Variants in ARHGEF3 observed in about 807,000 individuals in gnomAD.
ARHGEF3 encodes the protein Rho guanine nucleotide exchange factor 3, also known as 59.8 kDA protein.
Under a neutral mutation model 63.2 loss-of-function variants are expected in ARHGEF3, and 28 were observed. The observed-to-expected ratio is 0.44, with a 90% CI of 0.33 to 0.61. The LOEUF (loss-of-function observed/expected upper bound fraction) is 0.61. Among genes scored for constraint, ARHGEF3 ranks in the 20% least tolerant of loss-of-function variants. The probability of loss-of-function intolerance (pLI) is 0.03; values close to 1 mark genes in which losing one functional copy is unlikely to be tolerated. For synonymous variants in ARHGEF3, 266 were observed against 254.2 expected (o/e 1.05, Z -0.44); for missense variants, 533 against 659.3 (o/e 0.81, Z 2.10).
chr3:56,967,419 C>T lies in ARHGEF3; in HGVS notation c.63-8530G>A, dbSNP rs1370450974. ...ATTATATAATATATTATATATTATA[C>T]ATATTATATATTATATAATATATTA... On this transcript the variant is annotated intron_variant, in intron 2 of 12. Transcript: ENST00000338458. Among the ~76,000 whole-genome samples the T allele has an allele frequency of 9.7e-5, 6 of 62,160 alleles. 1 individual carries two copies. In the East Asian group the frequency reaches 1.9e-3, roughly 19 times the overall value. 40.8% of individuals were successfully genotyped at this position (62,160 alleles called of 152,430 possible).
intron 6 of ARHGEF3, among the ~76,000 whole-genome samples, chr3:56,747,790 C>T (rs2034479413): frequency 6.6e-6 from 1 of 152,176 alleles, no homozygotes; most frequent in African/African-American, 2.4e-5. Context: ...CATCACTGCA[C>T]TCCAGCCTTG....
intron 2 of ARHGEF3, among the ~76,000 whole-genome samples, chr3:56,964,457 C>T (rs1002967470): frequency 6.6e-6 from 1 of 152,130 alleles, no homozygotes; most frequent in African/African-American, 2.4e-5. Flanking sequence ...TGAGAATGGC[C>T]CCTTAAAGAG....
At chr3:57,035,030 T>C (rs1420366606) in intron 2 of ARHGEF3, 11 of 1,377,100 alleles carry the variant, frequency 8.0e-6, no homozygotes, top group African/African-American at 4.4e-5. Flanking sequence ...TTTCATTTAA[T>C]TGTTGCATAC....
chr3:56,863,646 G>T (rs2040151858), intron 4 of ARHGEF3, among the ~76,000 whole-genome samples: 1 of 151,402 alleles, frequency 6.6e-6, no homozygotes, highest in African/African-American at 2.4e-5. Context: ...TGTTGGCCAG[G>T]CTGGTCTTGA....
At chr3:57,028,081 T>C (rs1321062246) in intron 2 of ARHGEF3, among the ~76,000 whole-genome samples, 2 of 150,656 alleles carry the variant, frequency 1.3e-5, no homozygotes, top group East Asian at 3.9e-4. Flanking sequence ...GGAACACTTT[T>C]ACACTGTTGG....
intron 4 of ARHGEF3, among the ~76,000 whole-genome samples, chr3:56,835,711 C>T (rs1477929409): frequency 6.6e-6 from 1 of 152,132 alleles, no homozygotes; most frequent in African/African-American, 2.4e-5. Context: ...ACTTAAAATG[C>T]ACCACCTCTC....
chr3:56,882,449 C>G, intron 3 of ARHGEF3: 1 of 970,350 alleles, frequency 1.0e-6, no homozygotes, highest in Non-Finnish European at 1.6e-6. Flanking sequence ...CACATGCAAT[C>G]CTTATCATTT....
chr3:56,801,683 G>A lies in ARHGEF3; in HGVS notation c.96+20C>T. The A allele has an allele frequency of 1.3e-6, 2 of 1,552,736 alleles. No individual in the cohort carries two copies. The highest frequency in any genetic ancestry group is 2.4e-5 in the South Asian group (2 of 84,102). ...CAGGCAGATGACCCATAGAGGTCCA[G>A]GTGCAGGGCGCGGCCCTACCTCAGC... On this transcript the variant is annotated intron_variant, in intron 1 of 9. Coordinates refer to ENST00000296315, the MANE Select transcript of ARHGEF3 (RefSeq NM_019555.3).
intron 3 of ARHGEF3, among the ~76,000 whole-genome samples, chr3:56,918,872 G>A (rs1392700): frequency 0.92 from 139,682 of 152,264 alleles, 64,671 homozygotes; most frequent in Non-Finnish European, 0.99. Flanking sequence ...TCACACATTC[G>A]AACCACACAG....
chr3:57,006,747 C>T (rs553640976), intron 2 of ARHGEF3, among the ~76,000 whole-genome samples: 1 of 152,198 alleles, frequency 6.6e-6, no homozygotes, highest in East Asian at 1.9e-4. Flanking sequence ...TCGACACCCC[C>T]CCAAACACGG....
intron 2 of ARHGEF3, among the ~76,000 whole-genome samples, chr3:56,759,694 A>G (rs9851432): frequency 0.39 from 59,965 of 151,856 alleles, 15,656 homozygotes; most frequent in East Asian, 0.73. Context: ...ACCGCTAAGC[A>G]AGTGCCTGGC....
chr3:57,060,958 C>G (rs1181327560), intron 1 of ARHGEF3, among the ~76,000 whole-genome samples: 1 of 150,426 alleles, frequency 6.6e-6, no homozygotes, highest in Non-Finnish European at 1.5e-5. Context: ...CTCTTATACT[C>G]TTTTTTATTG....
intron 3 of ARHGEF3, among the ~76,000 whole-genome samples, chr3:56,903,296 T>C (rs1193268473): frequency 6.6e-6 from 1 of 152,210 alleles, no homozygotes; most frequent in Admixed American, 6.5e-5. Context: ...ATCAGGGCTC[T>C]CATACAAGGC....
rs920761851 is a variant in ARHGEF3, at chr3:56,791,968, C to T, written c.96+9735G>A. ...AAAATAAGTGACTGCTGGCTGGGTG[C>T]GGTGGCTCACGCCTGTAATCCCAGC... On this transcript the variant is annotated intron_variant, in intron 1 of 9. Coordinates refer to ENST00000296315, the MANE Select transcript of ARHGEF3 (RefSeq NM_019555.3). 1.6e-4 allele frequency among the ~76,000 whole-genome samples: 24 copies of T among 151,684 alleles called. No individual in the cohort carries two copies. In the South Asian group the frequency reaches 4.4e-3, roughly 28 times the overall value.
At chr3:56,919,874 G>C (rs970625785) in intron 3 of ARHGEF3, among the ~76,000 whole-genome samples, 1 of 152,210 alleles carries the variant, frequency 6.6e-6, no homozygotes, top group African/African-American at 2.4e-5. Flanking sequence ...TGGTGAGGTT[G>C]GTCAGGAGTG....
At chr3:56,883,391 T>C (rs958947473) in intron 3 of ARHGEF3, among the ~76,000 whole-genome samples, 9 of 151,762 alleles carry the variant, frequency 5.9e-5, no homozygotes, top group Middle Eastern at 3.2e-3. Context: ...CCTTGACCTC[T>C]TAGACTCAAG....
At chr3:56,849,279 A>G (rs1003827661) in intron 4 of ARHGEF3, among the ~76,000 whole-genome samples, 1 of 152,192 alleles carries the variant, frequency 6.6e-6, no homozygotes, top group African/African-American at 2.4e-5. Context: ...GTGCATGAGA[A>G]GCTAAAATTC....
intron 2 of ARHGEF3, among the ~76,000 whole-genome samples, chr3:56,768,724 G>A (rs2035851149): frequency 6.8e-6 from 1 of 147,976 alleles, no homozygotes; most frequent in Non-Finnish European, 1.5e-5. Flanking sequence ...AAGCGTTAAA[G>A]GAAATAAACA....
rs578036568 is a variant in ARHGEF3, at chr3:56,729,095, C to T, written c.*175G>A. On this transcript the variant is annotated 3_prime_UTR_variant, in exon 10 of 10. Coordinates refer to ENST00000296315, the MANE Select transcript of ARHGEF3 (RefSeq NM_019555.3). ...TAGTTGCCACAGATTCCAGCTTACA[C>T]AGACAGATTGGCAGTTACAGTACTA... 1.3e-5 allele frequency: 8 copies of T among 606,858 alleles called. No individual in the cohort carries two copies. In the African/African-American group the frequency reaches 1.5e-4, roughly 11 times the overall value. The allele number at this position is 606,858 out of a possible 1,614,324, so 37.6% of individuals were successfully genotyped here.
Sources: allele counts gnomAD v4.1 joint callset (sites outside exome capture counted in the v4.1 genomes callset), GRCh38; gene constraint gnomAD v4.1.1; transcripts MANE v1.5; gene names NCBI Gene and HGNC (gene_info 2026-07-23, HGNC 2026-07-21).